SLC8A3: variants seen among roughly 807,000 people sequenced by gnomAD.
The protein encoded by SLC8A3 is sodium/calcium exchanger 3.
Under a neutral mutation model 65.4 loss-of-function variants are expected in SLC8A3, and 37 were observed. The observed-to-expected ratio is 0.57, with a 90% CI of 0.44 to 0.74. The LOEUF (loss-of-function observed/expected upper bound fraction) is 0.74, where lower values mean the gene tolerates loss of function less well. SLC8A3 is among the 30% of genes least tolerant of loss of function. The pLI is 0.00. For missense variants in SLC8A3, 1,112 were observed against 1,172.1 expected (o/e 0.95, Z 0.75); for synonymous variants, 461 against 444.5 (o/e 1.04, Z -0.47).
At chr14:70,076,287 A>T (rs951160911) in intron 2 of SLC8A3, among the ~76,000 whole-genome samples, 2 of 151,958 alleles carry the variant, frequency 1.3e-5, no homozygotes, top group East Asian at 3.9e-4. Context: ...ACTCTCCATC[A>T]TATCTGTTTC....
intron 1 of SLC8A3, among the ~76,000 whole-genome samples, chr14:70,178,771 C>A (rs1471081158): frequency 6.6e-6 from 1 of 152,196 alleles, no homozygotes. Context: ...TGTCACATTC[C>A]ATTCTAGCTG....
intron 2 of SLC8A3, among the ~76,000 whole-genome samples, chr14:70,140,446 C>T (rs1286516361): frequency 6.6e-6 from 1 of 152,192 alleles, no homozygotes; most frequent in Non-Finnish European, 1.5e-5. Context: ...GCTCTGAACT[C>T]CTGCAGAACA....
chr14:70,177,619 G>T (rs559112662), intron 1 of SLC8A3, among the ~76,000 whole-genome samples: 6 of 152,320 alleles, frequency 3.9e-5, no homozygotes, highest in Admixed American at 2.0e-4. Flanking sequence ...ATGCTAAAGG[G>T]CATGGAAGCC....
At chr14:70,063,454 C>T (rs1889047641) in intron 2 of SLC8A3, among the ~76,000 whole-genome samples, 1 of 152,208 alleles carries the variant, frequency 6.6e-6, no homozygotes, top group Admixed American at 6.5e-5. Context: ...GCTATGTGGT[C>T]CCTTTTCCCC....
At chr14:70,079,886 A>G (rs567220623) in intron 2 of SLC8A3, 6 of 155,776 alleles carry the variant, frequency 3.9e-5, no homozygotes, top group African/African-American at 1.4e-4. Flanking sequence ...GAAACACATA[A>G]ACTCTGGGGC....
At chr14:70,086,646 TGCCCCCCTCA>T (rs1347025167) in intron 2 of SLC8A3, among the ~76,000 whole-genome samples, 2 of 152,120 alleles carry the variant, frequency 1.3e-5, no homozygotes, top group African/African-American at 4.8e-5. Context: ...TCAAGTGGTC[TGCCCCCCTCA>T]GCCTCCCAAA....
chr14:70,139,063 C>G (rs1349691612), intron 2 of SLC8A3, among the ~76,000 whole-genome samples: 8 of 152,148 alleles, frequency 5.3e-5, no homozygotes, highest in African/African-American at 1.7e-4. Context: ...TCTCCCCAGG[C>G]TTAAGGACAG....
intron 1 of SLC8A3, among the ~76,000 whole-genome samples, chr14:70,181,279 G>A (rs1206707911): frequency 6.6e-6 from 1 of 152,094 alleles, no homozygotes; most frequent in Admixed American, 6.6e-5. Flanking sequence ...CTCCACCACT[G>A]TCTTATTTTA....
At chr14:70,086,372 C>CTTTCT in intron 2 of SLC8A3, among the ~76,000 whole-genome samples, 1 of 149,640 alleles carries the variant, frequency 6.7e-6, no homozygotes, top group Non-Finnish European at 1.5e-5. Context: ...AATTTAATTT[C>CTTTCT]TTTCTTTTCT....
intron 2 of SLC8A3, among the ~76,000 whole-genome samples, chr14:70,082,660 G>A (rs1891137101): frequency 6.6e-6 from 1 of 152,042 alleles, no homozygotes; most frequent in South Asian, 2.1e-4. Context: ...CTCTCACCTT[G>A]CCCTGTAAGC....
intron 1 of SLC8A3, among the ~76,000 whole-genome samples, chr14:70,169,643 G>A (rs17107914): frequency 0.034 from 4,806 of 142,174 alleles, 282 homozygotes; most frequent in African/African-American, 0.12. Flanking sequence ...CCTCATTTGG[G>A]TGGGATGAGA....
intron 2 of SLC8A3, among the ~76,000 whole-genome samples, chr14:70,109,900 A>C (rs1386788097): frequency 6.6e-6 from 1 of 152,234 alleles, no homozygotes; most frequent in East Asian, 1.9e-4. Flanking sequence ...CAATTGTAGG[A>C]TTAGGCTGCT....
intron 2 of SLC8A3, among the ~76,000 whole-genome samples, chr14:70,122,464 G>A (rs1343720941): frequency 6.6e-6 from 1 of 152,014 alleles, no homozygotes; most frequent in East Asian, 1.9e-4. Context: ...GACTTGGCCT[G>A]GCCTGCTCTG....
chr14:70,092,862 C>T (rs530855391), intron 2 of SLC8A3, among the ~76,000 whole-genome samples: 1 of 152,214 alleles, frequency 6.6e-6, no homozygotes. Flanking sequence ...CCCAATTTCT[C>T]CAAAGTGAAT....
intron 2 of SLC8A3, among the ~76,000 whole-genome samples, chr14:70,157,777 C>T (rs1018803988): frequency 9.8e-5 from 15 of 152,338 alleles, no homozygotes; most frequent in Non-Finnish European, 2.1e-4. Flanking sequence ...TTTTCACATA[C>T]AGGCAGACAA....
chr14:70,055,608 C>T (rs917814307), intron 3 of SLC8A3, among the ~76,000 whole-genome samples: 97 of 152,304 alleles, frequency 6.4e-4, no homozygotes, highest in African/African-American at 2.1e-3. Flanking sequence ...CAAGGAATTG[C>T]CTTCCTCACA....
chr14:70,080,708 T>A (rs1890980571), intron 2 of SLC8A3, among the ~76,000 whole-genome samples: 1 of 152,250 alleles, frequency 6.6e-6, no homozygotes, highest in African/African-American at 2.4e-5. Context: ...GAAACCAAAG[T>A]TGTACACGGG....
At chr14:70,050,663 G>C (rs1247824200) in intron 5 of SLC8A3, among the ~76,000 whole-genome samples, 2 of 152,118 alleles carry the variant, frequency 1.3e-5, no homozygotes, top group Non-Finnish European at 2.9e-5. Context: ...TGAAAAGAAA[G>C]AATGACAGAA....
Position 70,060,752 on chromosome 14 carries a change from T to C in SLC8A3, c.1888+84A>G, listed in dbSNP as rs754525691. ...AGGAGGGAGACAAAAATATAGCTGC[T>C]TTTTCTTTTTTGTTGTTGTTTTTCA... On this transcript the variant is annotated intron_variant, in intron 3 of 6. Transcript: ENST00000356921. The C allele has an allele frequency of 1.7e-5, 14 of 841,246 alleles. No homozygotes were observed. In the Admixed American group the frequency reaches 2.4e-4, roughly 15 times the overall value. The allele number at this position is 841,246 out of a possible 1,614,324, so 52.1% of individuals were successfully genotyped here.
Sources: gnomAD v4.1 joint callset for allele counts (sites outside exome capture counted in the v4.1 genomes callset) on GRCh38, gnomAD v4.1.1 for gene constraint, MANE v1.5 for transcripts, NCBI Gene and HGNC (gene_info 2026-07-23, HGNC 2026-07-21) for gene names.